CNOT10: variants seen among roughly 807,000 people sequenced by gnomAD.
CNOT10 encodes CCR4-NOT transcription complex, subunit 10.
CNOT10 carries 30 observed loss-of-function variants against 94.6 expected under a neutral mutation model. The observed-to-expected ratio is 0.32, with a 90% CI of 0.24 to 0.43. The LOEUF is 0.43. Among genes scored for constraint, CNOT10 ranks in the 20% least tolerant of loss-of-function variants. The pLI, the probability that CNOT10 is intolerant of heterozygous loss-of-function variation, is 1.00. For synonymous variants in CNOT10, 289 were observed against 301.6 expected, an observed-to-expected ratio of 0.96 and a Z score of 0.43; for missense variants, 759 against 877.2, an observed-to-expected ratio of 0.87 and a Z score of 1.70.
Position 32,752,999 on chromosome 3 carries a change from A to G in CNOT10, c.1596-6459A>G, listed in dbSNP as rs1244074613. Reference sequence around the variant, plus strand: ...TAATCGACGAGGACCCCCAGGCGGCATTAGAGGAGCTGACTAAGGCTTTGG... The same window carrying G: ...TAATCGACGAGGACCCCCAGGCGGCGTTAGAGGAGCTGACTAAGGCTTTGG... On this transcript the variant is annotated intron_variant, in intron 13 of 18. Coordinates refer to ENST00000328834, the MANE Select transcript of CNOT10 (RefSeq NM_015442.3). The G allele has an allele frequency of 1.7e-5, 8 of 478,774 alleles. 2 individuals are homozygous for G. Among genetic ancestry groups the G allele is most frequent in the Non-Finnish European group, 2.9e-5 (7 of 242,114 alleles). 29.7% of individuals were successfully genotyped at this position (478,774 alleles called of 1,614,324 possible).
At chr3:32,725,381 C>A in intron 8 of CNOT10, 69 bp from the exon 9 acceptor site, 1 of 1,197,304 alleles carries the variant, frequency 8.4e-7, no homozygotes, top group Non-Finnish European at 1.2e-6. Flanking sequence ...CAAGATGAGC[C>A]CAATTCTTGT....
intron 13 of CNOT10, among the ~76,000 whole-genome samples, chr3:32,757,271 C>T (rs1342863187): frequency 6.9e-6 from 1 of 145,824 alleles, no homozygotes; most frequent in Non-Finnish European, 1.5e-5. Flanking sequence ...CCTCCACCTT[C>T]CAGGTTCAAG....
At chr3:32,770,693 AC>A (rs1700865685) in intron 18 of CNOT10, among the ~76,000 whole-genome samples, 1 of 146,570 alleles carries the variant, frequency 6.8e-6, no homozygotes. Context: ...AAGATAGGTG[AC>A]CCATCAAATT....
chr3:32,768,651 C>T (rs959107796), intron 17 of CNOT10, among the ~76,000 whole-genome samples: 13 of 152,004 alleles, frequency 8.6e-5, no homozygotes, highest in African/African-American at 3.1e-4. Flanking sequence ...GAAAGCTAGG[C>T]TTAGATATAT....
intron 9 of CNOT10, among the ~76,000 whole-genome samples, chr3:32,727,410 C>A (rs1575249262): frequency 6.6e-6 from 1 of 152,114 alleles, no homozygotes; most frequent in Admixed American, 6.6e-5. Flanking sequence ...TCTTTGCCTT[C>A]CTGGAACGTT....
chr3:32,708,445 G>A (rs930455228), intron 3 of CNOT10, among the ~76,000 whole-genome samples: 1 of 152,068 alleles, frequency 6.6e-6, no homozygotes, highest in Non-Finnish European at 1.5e-5. Flanking sequence ...ACTTAATAAA[G>A]TCTCATGAAA....
chr3:32,695,237 G>C (rs941937086), intron 1 of CNOT10, among the ~76,000 whole-genome samples: 2 of 152,144 alleles, frequency 1.3e-5, no homozygotes, highest in African/African-American at 4.8e-5. Context: ...TACTTGTTCA[G>C]ATGATAGAAA....
intron 1 of CNOT10, among the ~76,000 whole-genome samples, chr3:32,696,144 T>C (rs112503943): frequency 0.019 from 2,935 of 151,958 alleles, 44 homozygotes; most frequent in East Asian, 0.046. Context: ...GGTAAAACCC[T>C]GCCTCTACTA....
intron 1 of CNOT10, among the ~76,000 whole-genome samples, chr3:32,698,547 T>C (rs1233241319): frequency 6.6e-6 from 1 of 152,318 alleles, no homozygotes; most frequent in South Asian, 2.1e-4. Flanking sequence ...AAAATATAAG[T>C]ACAAGAATTT....
At chr3:32,690,762 T>C (rs1696813249) in intron 1 of CNOT10, among the ~76,000 whole-genome samples, 1 of 152,092 alleles carries the variant, frequency 6.6e-6, no homozygotes, top group Non-Finnish European at 1.5e-5. Flanking sequence ...TTGGCCAGGC[T>C]GGTCTCTAAC....
chr3:32,705,036 ATAGT>A (rs1349714768), intron 3 of CNOT10, 64 bp downstream of exon 3: 18 of 1,031,174 alleles, frequency 1.7e-5, no homozygotes, highest in Non-Finnish European at 2.2e-5. Context: ...TGAAACACAA[ATAGT>A]TAAGGAAAAT....
chr3:32,773,577 A>C lies in CNOT10; in HGVS notation c.2201A>C (p.Gln734Pro). ...CCTGTCCACCCGATCCAGCCCATCC[A>C]AATGCCGGCTTTCACCACTGTGCAG... ...FQPVHPIQPI[Q>P]MPAFTTVQRK The change falls in exon 19 of 19, where the codon CAA becomes CCA. Residue 734 changes from glutamine (Q) to proline (P), a missense_variant. By Grantham distance (76) the Gln-to-Pro change is moderately conservative. This residue lies in a region of CNOT10 where 73 missense variants were observed against 61.0 expected (regional missense o/e 1.20). Transcript: ENST00000328834. The C allele has an allele frequency of 1.9e-6, 3 of 1,614,008 alleles. No homozygotes were observed. Among genetic ancestry groups the C allele is most frequent in the Non-Finnish European group, 1.7e-6 (2 of 1,179,968 alleles).
intron 1 of CNOT10, 153 bp from the exon 2 acceptor site, chr3:32,703,715 T>TA: frequency 1.7e-6 from 1 of 588,014 alleles, no homozygotes; most frequent in South Asian, 2.1e-5. Flanking sequence ...CATTGCTGTT[T>TA]AAAACTTAAG....
At chr3:32,721,481 G>T (rs1698407971) in intron 8 of CNOT10, among the ~76,000 whole-genome samples, 1 of 108,540 alleles carries the variant, frequency 9.2e-6, no homozygotes, top group African/African-American at 3.5e-5. Context: ...TACCAGAAAA[G>T]TGAGGCCTTT....
chr3:32,768,202 A>T (rs1700731714), intron 17 of CNOT10, among the ~76,000 whole-genome samples: 1 of 152,268 alleles, frequency 6.6e-6, no homozygotes, highest in South Asian at 2.1e-4. Flanking sequence ...CTTGTATTTT[A>T]AAAAAAGCTT....
chr3:32,772,086 C>A (rs1700931038), intron 18 of CNOT10, among the ~76,000 whole-genome samples: 1 of 152,140 alleles, frequency 6.6e-6, no homozygotes, highest in Admixed American at 6.6e-5. Flanking sequence ...TGCGGTGGCT[C>A]ATGCATGTAA....
chr3:32,718,809 G>C (rs1698243336), intron 7 of CNOT10, among the ~76,000 whole-genome samples: 1 of 151,944 alleles, frequency 6.6e-6, no homozygotes, highest in South Asian at 2.1e-4. Context: ...AGGAAAGCCT[G>C]TTGCTAAATT....
chr3:32,768,938 C>T (rs908141943), intron 17 of CNOT10: 3 of 152,230 alleles, frequency 2.0e-5, no homozygotes, highest in Non-Finnish European at 4.4e-5. Context: ...AAGCAGGCCT[C>T]CCTTACCCCA....
At chr3:32,740,811 G>A (rs957004120) in intron 13 of CNOT10, among the ~76,000 whole-genome samples, 12 of 151,038 alleles carry the variant, frequency 7.9e-5, no homozygotes, top group East Asian at 5.9e-4. Flanking sequence ...GCAATAAGCC[G>A]AGATCGCACC....
Sources: gnomAD v4.1 joint callset for allele counts (sites outside exome capture counted in the v4.1 genomes callset) on GRCh38, gnomAD v4.1.1 for gene constraint, gnomAD v4.1.1 regional missense constraint, MANE v1.5 for transcripts, NCBI Gene and HGNC (gene_info 2026-07-23, HGNC 2026-07-21) for gene names.